Variants in VGLL4 observed in about 807,000 individuals in gnomAD.
VGLL4 encodes vestigial like family member 4.
In VGLL4, 7 loss-of-function variants were observed where a neutral mutation model predicts 21.0. The ratio of observed to expected loss-of-function variants is 0.33; its 90% CI spans 0.19 to 0.63. The LOEUF (loss-of-function observed/expected upper bound fraction) is 0.63. VGLL4 is among the 20% of genes least tolerant of loss of function. VGLL4 has a pLI of 0.78. For synonymous variants in VGLL4, 222 were observed against 173.2 expected, an observed-to-expected ratio of 1.28 and a Z score of -2.21; for missense variants, 394 against 425.7, an observed-to-expected ratio of 0.93 and a Z score of 0.66.
At chr3:11,658,628 C>T (rs1034234214) in intron 2 of VGLL4, among the ~76,000 whole-genome samples, 1 of 151,832 alleles carries the variant, frequency 6.6e-6, no homozygotes, top group African/African-American at 2.4e-5. Flanking sequence ...AATACGCGAA[C>T]TATTCCTGGA....
chr3:11,645,462 C>A (rs374566314), upstream of VGLL4, among the ~76,000 whole-genome samples: 5 of 140,200 alleles, frequency 3.6e-5, no homozygotes, highest in South Asian at 9.1e-4. Context: ...CGGTGGCGGG[C>A]GCCTGTAGTC....
chr3:11,639,561 G>A (rs954529720), intron 1 of VGLL4, among the ~76,000 whole-genome samples: 6 of 152,246 alleles, frequency 3.9e-5, no homozygotes, highest in African/African-American at 1.2e-4. Context: ...CTAACATCAC[G>A]GAGCTAATGA....
chr3:11,692,535 CTTATT>C, intron 2 of VGLL4, among the ~76,000 whole-genome samples: 2 of 152,150 alleles, frequency 1.3e-5, no homozygotes, highest in African/African-American at 4.8e-5. Flanking sequence ...AACATCAGTG[CTTATT>C]TTAAACCTAA....
intron 2 of VGLL4, among the ~76,000 whole-genome samples, chr3:11,573,508 CAT>C (rs924026719): frequency 3.9e-5 from 6 of 152,056 alleles, no homozygotes; most frequent in African/African-American, 1.2e-4. Flanking sequence ...GACTTCAACA[CAT>C]GTGACCAGAA....
intron 1 of VGLL4, among the ~76,000 whole-genome samples, chr3:11,642,872 G>A (rs553297970): frequency 6.6e-6 from 1 of 152,318 alleles, no homozygotes; most frequent in African/African-American, 2.4e-5. Context: ...CACAGGAAGC[G>A]CCAGCGAGAC....
At chr3:11,667,364 T>C (rs2076141381) in intron 2 of VGLL4, among the ~76,000 whole-genome samples, 1 of 152,264 alleles carries the variant, frequency 6.6e-6, no homozygotes, top group Non-Finnish European at 1.5e-5. Flanking sequence ...CGTTCATACA[T>C]GTTATCTGTT....
rs534960179 is a variant in VGLL4, at chr3:11,586,740, T to TTGGAA, written c.272+15092_272+15093insTTCCA. On this transcript the variant is annotated intron_variant, in intron 2 of 4. Coordinates refer to ENST00000430365, the MANE Select transcript of VGLL4 (RefSeq NM_001128219.3). ...ATCCTCGAGGGTCTTGGAACCAATC[T>TTGGAA]CCCAAGGATATCCAGGGACGGCTGT... Among the ~76,000 whole-genome samples, 29 of 152,278 alleles carry TTGGAA rather than the reference T, an allele frequency of 1.9e-4. No individual in the cohort carries two copies. In the South Asian group the frequency reaches 5.8e-3, roughly 30 times the overall value.
chr3:11,661,473 T>TTATTTATTTATC (rs1189080888), intron 2 of VGLL4, among the ~76,000 whole-genome samples: 1 of 71,178 alleles, frequency 1.4e-5, no homozygotes, highest in African/African-American at 4.2e-5. Context: ...ATCTATTTAT[T>TTATTTATTTATC]TATTTATTTA....
chr3:11,681,992 G>T (rs1010682698), intron 2 of VGLL4, among the ~76,000 whole-genome samples: 1 of 152,242 alleles, frequency 6.6e-6, no homozygotes, highest in Admixed American at 6.5e-5. Context: ...GGGCACAGTG[G>T]CTCACACCTG....
intron 1 of VGLL4, among the ~76,000 whole-genome samples, chr3:11,624,682 A>G (rs1186562382): frequency 6.6e-6 from 1 of 152,172 alleles, no homozygotes; most frequent in Non-Finnish European, 1.5e-5. Flanking sequence ...CTTTTGCACA[A>G]CAAAACAACT....
chr3:11,675,046 CA>C (rs35192812), intron 2 of VGLL4, among the ~76,000 whole-genome samples: 1 of 152,156 alleles, frequency 6.6e-6, no homozygotes, highest in Non-Finnish European at 1.5e-5. Flanking sequence ...CGGTTTTAAC[CA>C]AAATGCAACA....
At chr3:11,576,882 C>T (rs769679771) in intron 2 of VGLL4, among the ~76,000 whole-genome samples, 3 of 152,274 alleles carry the variant, frequency 2.0e-5, no homozygotes, top group Non-Finnish European at 2.9e-5. Context: ...GACACATTCC[C>T]TCTAGACACC....
intron 2 of VGLL4, among the ~76,000 whole-genome samples, chr3:11,654,778 T>C (rs139582199): frequency 3.0e-3 from 450 of 152,306 alleles, no homozygotes; most frequent in African/African-American, 0.01. Flanking sequence ...GATTAATTAC[T>C]GGCCTGAAAC....
At chr3:11,692,792 A>G (rs539669328) in intron 2 of VGLL4, among the ~76,000 whole-genome samples, 10 of 152,126 alleles carry the variant, frequency 6.6e-5, no homozygotes, top group Non-Finnish European at 1.3e-4. Flanking sequence ...TTAGGCATCC[A>G]ACTTCTCCTA....
intron 2 of VGLL4, among the ~76,000 whole-genome samples, chr3:11,573,279 GAAAGAAAGAAAGA>G (rs2073875170): frequency 6.5e-5 from 1 of 15,482 alleles, no homozygotes; most frequent in African/African-American, 2.6e-4. Context: ...AAGAAAGAAA[GAAAGAAAGAAAGA>G]AAGAAAGAAA....
At chr3:11,680,930 G>A (rs2076359663) in intron 2 of VGLL4, among the ~76,000 whole-genome samples, 1 of 152,182 alleles carries the variant, frequency 6.6e-6, no homozygotes, top group South Asian at 2.1e-4. Context: ...TCCCCGCCGT[G>A]AAGCTGCCTA....
At chr3:11,606,696 GGGTA>G (rs1559896012) in intron 1 of VGLL4, among the ~76,000 whole-genome samples, 3 of 152,140 alleles carry the variant, frequency 2.0e-5, no homozygotes, top group African/African-American at 2.4e-5. Context: ...AGCTCTCTGT[GGGTA>G]GCTAAAGGTT....
chr3:11,705,049 A>C (rs1297421675), intron 1 of VGLL4, among the ~76,000 whole-genome samples: 1 of 152,228 alleles, frequency 6.6e-6, no homozygotes, highest in Non-Finnish European at 1.5e-5. Context: ...ACAGAAAGTA[A>C]GCGACAAGGT....
intron 2 of VGLL4, among the ~76,000 whole-genome samples, chr3:11,670,485 C>T (rs188350895): frequency 1.8e-4 from 27 of 152,212 alleles, no homozygotes; most frequent in South Asian, 1.0e-3. Flanking sequence ...GAGGTATGCA[C>T]GCAGCTCTAC....
Sources: gnomAD v4.1 joint callset for allele counts (sites outside exome capture counted in the v4.1 genomes callset) on GRCh38, gnomAD v4.1.1 for gene constraint, MANE v1.5 for transcripts, NCBI Gene and HGNC (gene_info 2026-07-23, HGNC 2026-07-21) for gene names.